The following AKAP9 variants were observed in gnomAD, a reference collection of about 807,000 sequenced individuals.
AKAP9 encodes A-kinase anchor protein 9.
In AKAP9, 311 loss-of-function variants were observed where a neutral mutation model predicts 488.5. The ratio of observed to expected loss-of-function variants is 0.64; its 90% CI spans 0.58 to 0.70. The LOEUF is 0.70. AKAP9 is among the 30% of genes least tolerant of loss of function. The pLI is 0.00. For missense variants in AKAP9, 4,215 were observed against 4,374.5 expected, an observed-to-expected ratio of 0.96 and a Z score of 1.03; for synonymous variants, 1,462 against 1,483.5, an observed-to-expected ratio of 0.99 and a Z score of 0.33.
chr7:92,022,211 C>A, intron 12 of AKAP9, 27 bp from the exon 13 acceptor site: 2 of 1,489,966 alleles, frequency 1.3e-6, no homozygotes, highest in Non-Finnish European at 1.9e-6. Context: ...ATTTATGTTA[C>A]TGCTTTTATT....
chr7:91,987,199 C>G (rs1028762210), intron 3 of AKAP9, among the ~76,000 whole-genome samples: 2 of 152,036 alleles, frequency 1.3e-5, no homozygotes, highest in Non-Finnish European at 2.9e-5. Context: ...GGGCGGATCA[C>G]CTGAGGTTAG....
intron 19 of AKAP9, among the ~76,000 whole-genome samples, 163 bp from the exon 20 acceptor site, chr7:92,042,505 C>T (rs1806283647): frequency 6.6e-6 from 1 of 152,146 alleles, no homozygotes; most frequent in South Asian, 2.1e-4. Flanking sequence ...CTTTTGATAA[C>T]ACTAATCTCG....
intron 45 of AKAP9, 121 bp from the exon 46 acceptor site, chr7:92,102,472 CT>C: frequency 1.4e-6 from 1 of 701,166 alleles, no homozygotes; most frequent in Non-Finnish European, 2.5e-6. Flanking sequence ...ACTACTACTA[CT>C]ACTACTACTA....
chr7:92,058,794 G>A (rs1468320590), intron 22 of AKAP9, among the ~76,000 whole-genome samples: 3 of 151,930 alleles, frequency 2.0e-5, no homozygotes, highest in Non-Finnish European at 4.4e-5. Flanking sequence ...ATTAGGAAAT[G>A]TTTACAATCA....
At chr7:92,008,749 G>T (rs1009371948) in intron 8 of AKAP9, among the ~76,000 whole-genome samples, 32 of 151,862 alleles carry the variant, frequency 2.1e-4, no homozygotes, top group African/African-American at 7.7e-4. Flanking sequence ...CACTTTGGGA[G>T]GCCGAGGCAG....
intron 28 of AKAP9, among the ~76,000 whole-genome samples, chr7:92,072,965 G>A (rs554264234): frequency 6.6e-6 from 1 of 152,250 alleles, no homozygotes; most frequent in South Asian, 2.1e-4. Flanking sequence ...TGGTTGAAAA[G>A]GAGTTCCTCT....
chr7:91,944,632 C>G (rs1279409721), intron 1 of AKAP9, among the ~76,000 whole-genome samples: 1 of 152,170 alleles, frequency 6.6e-6, no homozygotes, highest in Non-Finnish European at 1.5e-5. Flanking sequence ...AGTGATCTGC[C>G]TGCCTCGACC....
chr7:92,023,065 A>G (rs954601154), intron 14 of AKAP9, 56 bp downstream of exon 14: 5 of 1,543,408 alleles, frequency 3.2e-6, no homozygotes, highest in Admixed American at 1.7e-5. Flanking sequence ...TAACAATTAT[A>G]GTATCATCCA....
chr7:91,984,371 A>G (rs1356022342), intron 3 of AKAP9, among the ~76,000 whole-genome samples: 6 of 152,226 alleles, frequency 3.9e-5, no homozygotes, highest in Non-Finnish European at 7.3e-5. Context: ...TCCCAGCGCC[A>G]TGTATTAAAT....
At position 91,954,710 on chromosome 7, in the gene AKAP9, A is replaced by ATT. The variant is rs11408349; in HGVS notation, c.48+13568_48+13569dup. On this transcript the variant is annotated intron_variant, in intron 1 of 49. Coordinates refer to ENST00000356239, the MANE Select transcript of AKAP9 (RefSeq NM_005751.5). The stretch of plus-strand genomic sequence containing the variant: ...AGGAAACACCTGGGAAGCTTTACAA[A>ATT]TTTTTTGATGCCTACATTACATCCC... Among the ~76,000 whole-genome samples the ATT allele has an allele frequency of 1.2e-4, 19 of 152,108 alleles. No individual in the cohort carries two copies. The South Asian group carries it at 1.9e-3, about 15-fold the overall frequency.
At chr7:92,092,814 T>G in intron 38 of AKAP9, 1 of 336,538 alleles carries the variant, frequency 3.0e-6, no homozygotes, top group East Asian at 7.0e-5. Context: ...GCCCAGCTAA[T>G]TTTTGTATTT....
At chr7:92,081,995 C>T (rs1313399995) in intron 31 of AKAP9, among the ~76,000 whole-genome samples, 1 of 152,092 alleles carries the variant, frequency 6.6e-6, no homozygotes, top group Non-Finnish European at 1.5e-5. Flanking sequence ...GACACAGAGT[C>T]TTGCTTTGTT....
chr7:92,093,928 G>A (rs1345840495), intron 39 of AKAP9, among the ~76,000 whole-genome samples: 1 of 151,876 alleles, frequency 6.6e-6, no homozygotes, highest in African/African-American at 2.4e-5. Flanking sequence ...TTGGCTCACT[G>A]CAACCTCCAC....
At chr7:92,026,709 T>G (rs940044567) in intron 14 of AKAP9, among the ~76,000 whole-genome samples, 1 of 152,204 alleles carries the variant, frequency 6.6e-6, no homozygotes, top group Non-Finnish European at 1.5e-5. Flanking sequence ...CCGCCTGCCT[T>G]GGCCTCCCAA....
chr7:91,952,966 GC>G (rs1792449586), intron 1 of AKAP9, among the ~76,000 whole-genome samples: 1 of 152,174 alleles, frequency 6.6e-6, no homozygotes, highest in South Asian at 2.1e-4. Context: ...ACAGGCATGA[GC>G]CACCCCACCT....
At chr7:92,105,590 A>G (rs563870582) in intron 46 of AKAP9, 88 bp from the exon 47 acceptor site, 3 of 942,054 alleles carry the variant, frequency 3.2e-6, no homozygotes, top group South Asian at 1.3e-5. Flanking sequence ...TTCTATGTTC[A>G]TATTTAAACG....
At chr7:91,984,246 G>C (rs1486383850) in intron 3 of AKAP9, among the ~76,000 whole-genome samples, 1 of 152,050 alleles carries the variant, frequency 6.6e-6, no homozygotes, top group Admixed American at 6.6e-5. Context: ...TTTCTTCTAG[G>C]GTTTTTATGG....
chr7:92,108,851 T>G, intron 49 of AKAP9: 1 of 610,048 alleles, frequency 1.6e-6, no homozygotes, highest in African/African-American at 1.8e-5. Context: ...CAGATCCCAC[T>G]CCTCCCAAAA....
intron 25 of AKAP9, 95 bp from the exon 26 acceptor site, chr7:92,066,332 A>AG: frequency 2.7e-6 from 4 of 1,492,844 alleles, no homozygotes; most frequent in Non-Finnish European, 3.7e-6. Context: ...TTGTCTTCAA[A>AG]CAAAACTAAC....
Sources: gnomAD v4.1 joint callset for allele counts (sites outside exome capture counted in the v4.1 genomes callset) on GRCh38, gnomAD v4.1.1 for gene constraint, MANE v1.5 for transcripts, NCBI Gene and HGNC (gene_info 2026-07-23, HGNC 2026-07-21) for gene names.